The following CHCHD3 variants were observed in gnomAD, a reference collection of about 807,000 sequenced individuals.
The protein encoded by CHCHD3 is coiled-coil-helix-coiled-coil-helix domain containing 3, also known as MICOS complex subunit MIC19.
In CHCHD3, 20 loss-of-function variants were observed where a neutral mutation model predicts 38.2. The observed-to-expected ratio is 0.52, with a 90% CI of 0.37 to 0.76. The LOEUF (loss-of-function observed/expected upper bound fraction) is 0.76, where lower values mean the gene tolerates loss of function less well. Among genes scored for constraint, CHCHD3 ranks in the 30% least tolerant of loss-of-function variants. The probability of loss-of-function intolerance (pLI) is 0.00; values close to 1 mark genes in which losing one functional copy is unlikely to be tolerated. For missense variants in CHCHD3, 245 were observed against 279.2 expected (o/e 0.88, Z 0.87); for synonymous variants, 82 against 100.0 (o/e 0.82, Z 1.07).
chr7:132,789,430 A>G (rs566180764), intron 7 of CHCHD3, among the ~76,000 whole-genome samples: 1 of 152,258 alleles, frequency 6.6e-6, no homozygotes, highest in South Asian at 2.1e-4. Context: ...TCTTTTTCTC[A>G]TTCCAGCCAC....
In CHCHD3 at chr7:132,988,315, ACC is replaced by A. The variant is rs1491130165; in HGVS notation, c.252-13031_252-13030del. Reference sequence around the variant, plus strand: ...CACACACACACCCACACACACACACACCCACACAAATATACAGATACCATTAA... The same window carrying A: ...CACACACACACCCACACACACACACACACACAAATATACAGATACCATTAA... On this transcript the variant is annotated intron_variant, in intron 3 of 7. Transcript: ENST00000262570. 3.8e-4 allele frequency among the ~76,000 whole-genome samples: 58 copies of A among 151,428 alleles called. 1 individual carries two copies. The highest frequency in any genetic ancestry group is 1.1e-3 in the Admixed American group (16 of 15,128).
intron 6 of CHCHD3, among the ~76,000 whole-genome samples, chr7:132,810,754 C>T (rs1585534668): frequency 6.6e-6 from 1 of 152,162 alleles, no homozygotes; most frequent in East Asian, 1.9e-4. Context: ...TTTTACATCT[C>T]CCTAAGGGTT....
chr7:132,913,804 G>A (rs1237298245), intron 4 of CHCHD3, among the ~76,000 whole-genome samples: 2 of 152,130 alleles, frequency 1.3e-5, no homozygotes, highest in East Asian at 1.9e-4. Flanking sequence ...TGACAATAAC[G>A]TGACACCAAT....
In CHCHD3 at chr7:133,082,073, G is replaced by A. The variant is rs1815195314; in HGVS notation, c.-136C>T. 6 of 763,980 alleles carry A rather than the reference G, an allele frequency of 7.9e-6. No homozygotes were observed. The highest frequency in any genetic ancestry group is 1.2e-5 in the Non-Finnish European group (6 of 492,054). 47.3% of individuals were successfully genotyped at this position (763,980 alleles called of 1,614,324 possible). A position where few individuals can be genotyped will look rare whatever the true frequency, so the allele number is the denominator to read the frequency against. On this transcript the variant is annotated 5_prime_UTR_variant, in exon 1 of 8. Coordinates refer to ENST00000262570, the MANE Select transcript of CHCHD3 (RefSeq NM_017812.4). ...GCAAGGCCACGACCCCCAGAAGCAA[G>A]GAGAAGGCGCCGGTCCTGAGCTCCC...
At chr7:132,935,827 G>A (rs536572844) in intron 4 of CHCHD3, among the ~76,000 whole-genome samples, 29 of 152,290 alleles carry the variant, frequency 1.9e-4, no homozygotes, top group Admixed American at 3.9e-4. Context: ...GGTTCTGGAG[G>A]TTGCAAAGTC....
intron 5 of CHCHD3, among the ~76,000 whole-genome samples, chr7:132,868,341 A>C (rs1442811850): frequency 6.6e-6 from 1 of 152,156 alleles, no homozygotes; most frequent in Admixed American, 6.5e-5. Flanking sequence ...TGACTTAAAG[A>C]CTGGAGTTTT....
intron 5 of CHCHD3, among the ~76,000 whole-genome samples, chr7:132,845,524 C>T (rs1471431844): frequency 2.0e-5 from 3 of 152,068 alleles, no homozygotes; most frequent in Admixed American, 6.5e-5. Context: ...TTAATAGCTA[C>T]GGAATTAACT....
intron 4 of CHCHD3, among the ~76,000 whole-genome samples, chr7:132,961,456 T>C (rs1811318296): frequency 6.6e-6 from 1 of 152,228 alleles, no homozygotes; most frequent in Non-Finnish European, 1.5e-5. Context: ...TCCCCAGTTT[T>C]ACTGGGGTGT....
chr7:133,021,554 GT>G (rs1813178273), intron 3 of CHCHD3, among the ~76,000 whole-genome samples: 2 of 152,100 alleles, frequency 1.3e-5, no homozygotes, highest in South Asian at 4.1e-4. Context: ...TTAAATTTCA[GT>G]CTTCCAACTA....
chr7:132,935,102 C>T (rs1810605394), intron 4 of CHCHD3, among the ~76,000 whole-genome samples: 1 of 147,068 alleles, frequency 6.8e-6, no homozygotes, highest in Non-Finnish European at 1.5e-5. Context: ...TGGCAAGAGA[C>T]AGCCTCAGGA....
chr7:133,033,449 T>C (rs1813558111), intron 2 of CHCHD3, among the ~76,000 whole-genome samples: 2 of 152,134 alleles, frequency 1.3e-5, no homozygotes. Flanking sequence ...CCTGAAGTGG[T>C]GCCGTACTCC....
intron 3 of CHCHD3, among the ~76,000 whole-genome samples, chr7:133,010,738 C>T (rs1346252678): frequency 6.6e-6 from 1 of 152,072 alleles, no homozygotes; most frequent in Non-Finnish European, 1.5e-5. Flanking sequence ...GCCACCATAC[C>T]TGGCTAATTT....
intron 7 of CHCHD3, among the ~76,000 whole-genome samples, chr7:132,795,343 T>G (rs1806579537): frequency 6.6e-6 from 1 of 152,186 alleles, no homozygotes; most frequent in Admixed American, 6.5e-5. Context: ...TTAGCAACAT[T>G]ACCTGTACCA....
At chr7:132,860,871 G>A (rs1481157781) in intron 5 of CHCHD3, among the ~76,000 whole-genome samples, 3 of 152,096 alleles carry the variant, frequency 2.0e-5, no homozygotes, top group South Asian at 2.1e-4. Context: ...TGATCCACCC[G>A]CCTCAGCCTC....
chr7:132,911,764 C>T (rs1321424783), intron 4 of CHCHD3, among the ~76,000 whole-genome samples: 1 of 152,174 alleles, frequency 6.6e-6, no homozygotes, highest in Admixed American at 6.5e-5. Flanking sequence ...TATCATCTGT[C>T]CCCATGTTTA....
chr7:132,909,305 C>T (rs1809879640), intron 4 of CHCHD3, among the ~76,000 whole-genome samples: 1 of 152,034 alleles, frequency 6.6e-6, no homozygotes, highest in Admixed American at 6.6e-5. Context: ...ACCAGTCTGG[C>T]CAACATGGTG....
chr7:133,008,946 G>A (rs1185748954), intron 3 of CHCHD3, among the ~76,000 whole-genome samples: 2 of 147,526 alleles, frequency 1.4e-5, no homozygotes, highest in African/African-American at 5.1e-5. Context: ...ACAAGCTGCT[G>A]GCAAATGAAA....
intron 2 of CHCHD3, among the ~76,000 whole-genome samples, chr7:133,052,381 A>G (rs746297476): frequency 1.3e-5 from 2 of 152,202 alleles, no homozygotes; most frequent in Non-Finnish European, 2.9e-5. Context: ...GAGAAAAGCA[A>G]AAACAAAAAA....
At chr7:133,062,665 T>C (rs1814550055) in intron 2 of CHCHD3, among the ~76,000 whole-genome samples, 1 of 152,160 alleles carries the variant, frequency 6.6e-6, no homozygotes. Context: ...TCATTGAAAT[T>C]ACTAGGTCAT....
Sources: allele counts gnomAD v4.1 joint callset (sites outside exome capture counted in the v4.1 genomes callset), GRCh38; gene constraint gnomAD v4.1.1; transcripts MANE v1.5; gene names NCBI Gene and HGNC (gene_info 2026-07-23, HGNC 2026-07-21).